Variants in TMTC1 observed in about 807,000 individuals in gnomAD.
TMTC1 encodes protein O-mannosyl-transferase TMTC1.
Under a neutral mutation model 104.8 loss-of-function variants are expected in TMTC1, and 73 were observed. The ratio of observed to expected loss-of-function variants is 0.70; its 90% confidence interval spans 0.58 to 0.85. TMTC1 has a LOEUF of 0.85. TMTC1 is among the 40% of genes least tolerant of loss of function. The pLI is 0.00. For synonymous variants in TMTC1, 434 were observed against 428.7 expected, an observed-to-expected ratio of 1.01 and a Z score of -0.15; for missense variants, 1,035 against 1,096.1, an observed-to-expected ratio of 0.94 and a Z score of 0.79.
intron 5 of TMTC1, among the ~76,000 whole-genome samples, chr12:29,673,744 CTTTTT>C (rs146463669): frequency 9.4e-5 from 9 of 95,736 alleles, no homozygotes; most frequent in South Asian, 3.9e-4. Flanking sequence ...AGAGGGACTT[CTTTTT>C]TTTTTTTTTT....
chr12:29,597,238 C>CTTTT (rs1565697568), intron 7 of TMTC1, among the ~76,000 whole-genome samples: 4 of 132,424 alleles, frequency 3.0e-5, no homozygotes, highest in East Asian at 2.3e-4. Context: ...TCTTTCTTTT[C>CTTTT]TTTCTTTTTT....
chr12:29,762,098 G>C (rs1346195607), intron 2 of TMTC1, among the ~76,000 whole-genome samples: 1 of 152,104 alleles, frequency 6.6e-6, no homozygotes, highest in East Asian at 1.9e-4. Flanking sequence ...TGGATTGCTT[G>C]AGCCCAGGAG....
intron 5 of TMTC1, among the ~76,000 whole-genome samples, chr12:29,644,330 A>G (rs1458299516): frequency 6.6e-6 from 1 of 151,550 alleles, no homozygotes; most frequent in Admixed American, 6.6e-5. Flanking sequence ...CAAAGGCATA[A>G]AAATGACACA....
intron 5 of TMTC1, among the ~76,000 whole-genome samples, chr12:29,714,847 G>A (rs754582641): frequency 1.3e-5 from 2 of 152,216 alleles, no homozygotes; most frequent in Non-Finnish European, 2.9e-5. Flanking sequence ...TGGAGTACAT[G>A]CATCAGGGCC....
chr12:29,671,324 AAAT>A (rs1940506897), intron 5 of TMTC1, among the ~76,000 whole-genome samples: 1 of 134,284 alleles, frequency 7.4e-6, no homozygotes, highest in Non-Finnish European at 1.5e-5. Context: ...ATAAATAAAT[AAAT>A]AAATAAAAGA....
chr12:29,660,063 AG>A (rs1939944608), intron 5 of TMTC1: 1 of 1,108,874 alleles, frequency 9.0e-7, no homozygotes, highest in South Asian at 1.4e-5. Context: ...TTCCTCTAAC[AG>A]GGAATGAAGT....
chr12:29,726,483 G>A (rs150838151), intron 5 of TMTC1, among the ~76,000 whole-genome samples: 2 of 151,788 alleles, frequency 1.3e-5, no homozygotes, highest in Non-Finnish European at 2.9e-5. Flanking sequence ...TTCAATCTAC[G>A]TCTGATTCTG....
At chr12:29,520,427 T>C (rs1944115159) in intron 12 of TMTC1, among the ~76,000 whole-genome samples, 191 bp downstream of exon 12, 1 of 152,162 alleles carries the variant, frequency 6.6e-6, no homozygotes, top group South Asian at 2.1e-4. Context: ...AGTATGAGAA[T>C]GGCCAGATTT....
At chr12:29,779,599 A>T (rs1253217432) in intron 1 of TMTC1, among the ~76,000 whole-genome samples, 1 of 152,206 alleles carries the variant, frequency 6.6e-6, no homozygotes, top group Non-Finnish European at 1.5e-5. Flanking sequence ...TGCATCTATA[A>T]ATTACATTTA....
intron 5 of TMTC1, among the ~76,000 whole-genome samples, chr12:29,655,724 T>C (rs1045727689): frequency 1.3e-5 from 2 of 152,118 alleles, no homozygotes; most frequent in African/African-American, 2.4e-5. Context: ...CAGAAATAGA[T>C]AATGTAAACG....
In TMTC1 at chr12:29,501,840, G is replaced by T. The variant is rs1474610293; in HGVS notation, c.*5006C>A. On this transcript the variant is annotated 3_prime_UTR_variant, in exon 18 of 18. Transcript: ENST00000539277. ...ATATTTTAATATCAGCCAATTGATT[G>T]TTATAAAGATCTTATCAATTCTGTT... is the stretch of plus-strand genomic sequence containing the variant. 1.3e-5 allele frequency: 2 copies of T among 152,026 alleles called. No homozygotes were observed. Among genetic ancestry groups the T allele is most frequent in the Non-Finnish European group, 2.9e-5 (2 of 67,984 alleles). 9.4% of individuals were successfully genotyped at this position (152,026 alleles called of 1,614,324 possible).
At chr12:29,603,530 C>T (rs550274453) in intron 7 of TMTC1, among the ~76,000 whole-genome samples, 1 of 152,146 alleles carries the variant, frequency 6.6e-6, no homozygotes, top group African/African-American at 2.4e-5. Context: ...AATGGCAGAA[C>T]CAAGACTTGG....
At chr12:29,629,937 C>T (rs1009133330) in intron 6 of TMTC1, among the ~76,000 whole-genome samples, 1 of 152,052 alleles carries the variant, frequency 6.6e-6, no homozygotes, top group Non-Finnish European at 1.5e-5. Context: ...TTCATTCCAG[C>T]CTTTTACCTA....
chr12:29,509,037 A>G (rs1418417474), intron 17 of TMTC1, among the ~76,000 whole-genome samples: 1 of 152,230 alleles, frequency 6.6e-6, no homozygotes, highest in Non-Finnish European at 1.5e-5. Flanking sequence ...AGTTACAATT[A>G]ATTAAAAATT....
At chr12:29,602,047 G>T (rs1946581269) in intron 7 of TMTC1, among the ~76,000 whole-genome samples, 1 of 151,904 alleles carries the variant, frequency 6.6e-6, no homozygotes, top group Non-Finnish European at 1.5e-5. Flanking sequence ...TGTTAGCGAG[G>T]ATGGTTTCGA....
At chr12:29,716,457 CAAAGATTAAAAAAT>C (rs1942084687) in intron 5 of TMTC1, among the ~76,000 whole-genome samples, 1 of 151,898 alleles carries the variant, frequency 6.6e-6, no homozygotes. Context: ...TATGCTGTCT[CAAAGATTAAAAAAT>C]AACATTAATA....
In TMTC1 at chr12:29,516,428, A is replaced by T; in HGVS notation, c.2228T>A (p.Ile743Asn). 6.2e-7 allele frequency: 1 copy of T among 1,614,026 alleles called. No homozygotes were observed. The highest frequency in any genetic ancestry group is 8.5e-7 in the Non-Finnish European group (1 of 1,179,946). The change falls in exon 15 of 18, where the codon ATT becomes AAT. Residue 743 changes from isoleucine (I) to asparagine (N), a missense_variant. Ile to Asn is a moderately radical substitution (Grantham distance 149). Coordinates refer to ENST00000539277, the MANE Select transcript of TMTC1 (RefSeq NM_001193451.2). ...TKEAEKMTNHIVSEETGCLEC... is the reference protein window; with the variant it reads ...TKEAEKMTNHNVSEETGCLEC... ...AAGGCATCCGGTCTCCTCTGACACA[A>T]TGTGATTGGTCATCTTTTCAGCTTC...
At chr12:29,659,138 T>C (rs1351654062) in intron 5 of TMTC1, among the ~76,000 whole-genome samples, 1 of 152,244 alleles carries the variant, frequency 6.6e-6, no homozygotes, top group Non-Finnish European at 1.5e-5. Context: ...ATGGTTATGA[T>C]ATCCAGTCAA....
intron 5 of TMTC1, among the ~76,000 whole-genome samples, chr12:29,695,793 TTATATATATATATA>T (rs113135039): frequency 0.073 from 6,111 of 83,898 alleles, 578 homozygotes; most frequent in East Asian, 0.42. Flanking sequence ...TACTTCCTTT[TTATATATATATATA>T]TATATATATA....
Sources: gnomAD v4.1 joint callset for allele counts (sites outside exome capture counted in the v4.1 genomes callset) on GRCh38, gnomAD v4.1.1 for gene constraint, MANE v1.5 for transcripts, NCBI Gene and HGNC (gene_info 2026-07-23, HGNC 2026-07-21) for gene names.